ZNF71: variants seen among roughly 807,000 people sequenced by gnomAD.
ZNF71 encodes endothelial zinc finger protein induced by tumor necrosis factor alpha.
Under a neutral mutation model 6.7 loss-of-function variants are expected in ZNF71, and 3 were observed. That is an observed-to-expected ratio of 0.45 (90% CI 0.20 to 1.16). The LOEUF is 1.16. Ranked by LOEUF, ZNF71 falls within the 50% of genes most tolerant of loss-of-function variation. ZNF71 has a pLI of 0.25. For missense variants in ZNF71, 688 were observed against 728.6 expected (o/e 0.94, Z 0.64); for synonymous variants, 343 against 311.1 (o/e 1.10, Z -1.08).
At position 56,595,983 on chromosome 19, in the gene ZNF71, A is replaced by AGTGT. The variant is rs146382110; in HGVS notation, c.-53+556_-53+557insTGTG. Reference sequence around the variant, plus strand: ...TATGTCCGTGTGGGTCATGTGTGGTAGCGTGTGTGTGTGTGTGTCCCACTT... The same window carrying AGTGT: ...TATGTCCGTGTGGGTCATGTGTGGTAGTGTGCGTGTGTGTGTGTGTGTCCCACTT... On this transcript the variant is annotated intron_variant, in intron 1 of 3. Transcript: ENST00000599599. 1.5e-3 allele frequency among the ~76,000 whole-genome samples: 209 copies of AGTGT among 138,418 alleles called. 2 individuals are homozygous for AGTGT. The highest frequency in any genetic ancestry group is 0.011 in the East Asian group (55 of 4,824). 90.8% of individuals were successfully genotyped at this position (138,418 alleles called of 152,430 possible). A position where few individuals can be genotyped will look rare whatever the true frequency, so the allele number is the denominator to read the frequency against.
At chr19:56,620,320 G>T (rs920252104) in intron 3 of ZNF71, among the ~76,000 whole-genome samples, 1 of 152,110 alleles carries the variant, frequency 6.6e-6, no homozygotes, top group Non-Finnish European at 1.5e-5. Flanking sequence ...AGAAATGCCC[G>T]ATTTTTCTCT....
chr19:56,618,619 G>A lies in ZNF71; in HGVS notation c.161-2649G>A, dbSNP rs1342146317. 6.6e-6 allele frequency among the ~76,000 whole-genome samples: 1 copy of A among 152,186 alleles called. No homozygotes were observed. Among genetic ancestry groups the A allele is most frequent in the Non-Finnish European group, 1.5e-5 (1 of 68,030 alleles). On this transcript the variant is annotated intron_variant, in intron 3 of 3. Transcript: ENST00000599599. This position sits in a 1 kb window ranked among gnomAD's most constrained non-coding sequence, Gnocchi z 4.6. The stretch of plus-strand genomic sequence containing the variant: ...TCCTTACGTAGGGTGGATTGGGAAG[G>A]CTCCCGTGGGGTTGTGGGGAAACAG...
Position 56,622,995 on chromosome 19 carries a change from G to C in ZNF71, c.*238G>C. 2 of 581,084 alleles carry C rather than the reference G, an allele frequency of 3.4e-6. No homozygotes were observed. The highest frequency in any genetic ancestry group is 6.1e-6 in the Non-Finnish European group (2 of 326,474). The allele number at this position is 581,084 out of a possible 1,614,324, so 36.0% of individuals were successfully genotyped here. On this transcript the variant is annotated 3_prime_UTR_variant, in exon 4 of 4. Transcript: ENST00000599599. ...TGGGGACACTTCAAGGTTCACTGTA[G>C]CTGAGCCATGGCCGCTGGTAACAGA...
chr19:56,612,927 C>T (rs937308984), intron 2 of ZNF71, among the ~76,000 whole-genome samples: 3 of 152,154 alleles, frequency 2.0e-5, no homozygotes, highest in Non-Finnish European at 4.4e-5. Flanking sequence ...GTTCTTGAGA[C>T]CTTGAAGGTT....
chr19:56,603,290 C>G lies in ZNF71; in HGVS notation c.33+1699C>G, dbSNP rs2148006506. 6.6e-6 allele frequency among the ~76,000 whole-genome samples: 1 copy of G among 152,316 alleles called. No homozygotes were observed. The highest frequency in any genetic ancestry group is 2.1e-4 in the South Asian group (1 of 4,832). ...TTCTGTCTCTATGAATTTGACTGTT[C>G]TGGACATTTCAAATAAATGGAATCA... On this transcript the variant is annotated intron_variant, in intron 2 of 3. Transcript: ENST00000599599. The surrounding 1 kb of genome is among the most constrained non-coding windows in gnomAD (Gnocchi z 4.6).
chr19:56,622,176 C>T lies in ZNF71; in HGVS notation c.1069C>T (p.Pro357Ser). Residue 357 changes from proline (P) to serine (S), a missense_variant, in exon 4 of 4, where the codon CCG becomes TCG. Transcript: ENST00000599599. ...CCAGCGCACGCACACCGGGGAGAAG[C>T]CGTACGCCTGCAAGGAGTGCGGCAA... ...EHQRTHTGEKPYACKECGKAF... is the reference protein window; with the variant it reads ...EHQRTHTGEKSYACKECGKAF... The T allele has an allele frequency of 6.2e-7, 1 of 1,613,838 alleles. No individual in the cohort carries two copies. The highest frequency in any genetic ancestry group is 8.5e-7 in the Non-Finnish European group (1 of 1,179,876).
At chr19:56,612,097 G>A (rs2044756200) in intron 2 of ZNF71, among the ~76,000 whole-genome samples, 1 of 152,172 alleles carries the variant, frequency 6.6e-6, no homozygotes, top group South Asian at 2.1e-4. Flanking sequence ...ACTGCTGCTG[G>A]GAATATAAAT....
chr19:56,596,420 T>C (rs1372500563), intron 1 of ZNF71, among the ~76,000 whole-genome samples: 1 of 152,164 alleles, frequency 6.6e-6, no homozygotes, highest in East Asian at 1.9e-4. Context: ...CTTCTCCTAG[T>C]CTGCCTGCCC....
rs143744318 is a variant in ZNF71, at chr19:56,621,242, G to A, written c.161-26G>A. 4.6e-5 allele frequency: 70 copies of A among 1,514,566 alleles called. No individual in the cohort carries two copies. In the Middle Eastern group the frequency reaches 5.5e-4, roughly 12 times the overall value. The allele number at this position is 1,514,566 out of a possible 1,614,324, so 93.8% of individuals were successfully genotyped here. Reference sequence around the variant, plus strand: ...CCAGCATCTTTAACTACATGTATTTGCATCTTCTGTTTTTGTTTTTTTCAG... The same window carrying A: ...CCAGCATCTTTAACTACATGTATTTACATCTTCTGTTTTTGTTTTTTTCAG... On this transcript the variant is annotated intron_variant, in intron 3 of 3. Coordinates refer to ENST00000599599, the MANE Select transcript of ZNF71 (RefSeq NM_001370215.1).
At chr19:56,620,541 A>T (rs73059451) in intron 3 of ZNF71, among the ~76,000 whole-genome samples, 1 of 151,304 alleles carries the variant, frequency 6.6e-6, no homozygotes, top group East Asian at 2.0e-4. Context: ...TTATTTATTT[A>T]TTTTTTAAGA....
rs575206556 is a variant in ZNF71, at chr19:56,621,677, C to T, written c.570C>T (p.Tyr190=). The change falls in exon 4 of 4, where the codon TAC becomes TAT. Residue 190 remains tyrosine (Y), a synonymous_variant. Coordinates refer to ENST00000599599, the MANE Select transcript of ZNF71 (RefSeq NM_001370215.1). Reference sequence around the variant, plus strand: ...TGCCCTGCGAGGAGAAGAAAACCTACGACTGCAGCGAGTGTGGCAAGGCCT... The same window carrying T: ...TGCCCTGCGAGGAGAAGAAAACCTATGACTGCAGCGAGTGTGGCAAGGCCT... The part of the protein sequence containing the change: ...PPMPCEEKKT[Y]DCSECGKAFS... The T allele has an allele frequency of 6.2e-6, 10 of 1,614,152 alleles. No homozygotes were observed. The East Asian group carries it at 8.9e-5, about 14-fold the overall frequency.
chr19:56,612,913 T>C (rs964386339), intron 2 of ZNF71, among the ~76,000 whole-genome samples: 3 of 152,120 alleles, frequency 2.0e-5, no homozygotes, highest in South Asian at 2.1e-4. Flanking sequence ...CCAAATAAGG[T>C]CATGTTCTTG....
At chr19:56,606,741 A>G in intron 2 of ZNF71, among the ~76,000 whole-genome samples, 1 of 152,034 alleles carries the variant, frequency 6.6e-6, no homozygotes, top group East Asian at 1.9e-4. Flanking sequence ...CATGTGAGTA[A>G]TGAGACATAA....
At position 56,622,987 on chromosome 19, in the gene ZNF71, T is replaced by A. The variant is rs2044877460; in HGVS notation, c.*230T>A. 3 of 599,842 alleles carry A rather than the reference T, an allele frequency of 5.0e-6. No homozygotes were observed. Among genetic ancestry groups the A allele is most frequent in the Non-Finnish European group, 5.9e-6 (2 of 339,546 alleles). 37.2% of individuals were successfully genotyped at this position (599,842 alleles called of 1,614,324 possible). A position where few individuals can be genotyped will look rare whatever the true frequency, so the allele number is the denominator to read the frequency against. On this transcript the variant is annotated 3_prime_UTR_variant, in exon 4 of 4. Coordinates refer to ENST00000599599, the MANE Select transcript of ZNF71 (RefSeq NM_001370215.1). Reference sequence around the variant, plus strand: ...GACGTATCTGGGGACACTTCAAGGTTCACTGTAGCTGAGCCATGGCCGCTG... The same window carrying A: ...GACGTATCTGGGGACACTTCAAGGTACACTGTAGCTGAGCCATGGCCGCTG...
rs141566979 is a variant in ZNF71 at position 56,621,507 on chromosome 19, G to A, written c.400G>A (p.Ala134Thr). Residue 134 changes from alanine to threonine, a missense_variant, in exon 4 of 4, where the codon GCA (alanine) becomes ACA (threonine). By Grantham distance (58) the Ala-to-Thr change is moderately conservative (BLOSUM62 0). Transcript: ENST00000599599. ...CAAACTCTTAGGGGGCTCAGTACCC[G>A]CATGTCATGAACTGAAGGCATTTGC... ...GNKLLGGSVPACHELKAFANQ... is the reference protein window; with the variant it reads ...GNKLLGGSVPTCHELKAFANQ... The A allele has an allele frequency of 8.6e-4, 1,392 of 1,614,134 alleles. 2 individuals are homozygous for A. Among genetic ancestry groups the A allele is most frequent in the Non-Finnish European group, 1.1e-3 (1,273 of 1,180,004 alleles).
intron 1 of ZNF71, among the ~76,000 whole-genome samples, chr19:56,599,739 G>T (rs1047398407): frequency 6.7e-6 from 1 of 150,020 alleles, no homozygotes; most frequent in African/African-American, 2.5e-5. Flanking sequence ...TGTCACCCAG[G>T]CTGGAGTGCA....
rs148524384 is a variant in ZNF71, at chr19:56,603,022, A to G, written c.33+1431A>G. 6.6e-5 allele frequency among the ~76,000 whole-genome samples: 10 copies of G among 152,314 alleles called. No individual in the cohort carries two copies. Among genetic ancestry groups the G allele is most frequent in the African/African-American group, 2.4e-4 (10 of 41,572 alleles). ...GATTTTGCTATATAAATGTGTCAGT[A>G]GACTTATTTGGGAGCTTTGGTTTAT... On this transcript the variant is annotated intron_variant, in intron 2 of 3. Transcript: ENST00000599599. The surrounding 1 kb of genome is among the most constrained non-coding windows in gnomAD (Gnocchi z 4.6).
intron 3 of ZNF71, among the ~76,000 whole-genome samples, chr19:56,615,451 G>A (rs1372726986): frequency 6.6e-6 from 1 of 151,940 alleles, no homozygotes; most frequent in African/African-American, 2.4e-5. Context: ...ACTTGTAGGT[G>A]TGTGGTCTCA....
At position 56,621,974 on chromosome 19, in the gene ZNF71, C is replaced by G. The variant is rs1216847585; in HGVS notation, c.867C>G (p.Leu289=). Residue 289 remains leucine, a synonymous_variant, in exon 4 of 4, where the codon CTC becomes CTG. Coordinates refer to ENST00000599599, the MANE Select transcript of ZNF71 (RefSeq NM_001370215.1). ...AGGCCTTCCGGAAGACTTCCTCTCT[C>G]ACCCAGCACGAGCGGATCCACACGG... ...CGKAFRKTSS[L]TQHERIHTGE... The G allele has an allele frequency of 2.5e-6, 4 of 1,606,186 alleles. No homozygotes were observed. Among genetic ancestry groups the G allele is most frequent in the Non-Finnish European group, 3.4e-6 (4 of 1,178,198 alleles).
Sources: gnomAD v4.1 joint callset for allele counts (sites outside exome capture counted in the v4.1 genomes callset) on GRCh38, gnomAD v4.1.1 for gene constraint, Gnocchi (gnomAD v3.1) non-coding constraint, MANE v1.5 for transcripts, NCBI Gene and HGNC (gene_info 2026-07-23, HGNC 2026-07-21) for gene names.